Variants in SMG6 observed in about 807,000 individuals in gnomAD.
The protein encoded by SMG6 is telomerase-binding protein EST1A.
SMG6 carries 66 observed loss-of-function variants against 142.2 expected under a neutral mutation model. The ratio of observed to expected loss-of-function variants is 0.46; its 90% CI spans 0.38 to 0.57. SMG6 has a LOEUF of 0.57. SMG6 is among the 20% of genes least tolerant of loss of function. SMG6 has a pLI of 0.00. For synonymous variants in SMG6, 779 were observed against 702.4 expected, an observed-to-expected ratio of 1.11 and a Z score of -1.72; for missense variants, 1,793 against 1,832.0, an observed-to-expected ratio of 0.98 and a Z score of 0.39.
chr17:2,100,359 G>A (rs2068972518), intron 13 of SMG6, among the ~76,000 whole-genome samples: 1 of 152,098 alleles, frequency 6.6e-6, no homozygotes, highest in Non-Finnish European at 1.5e-5. Flanking sequence ...TTTTTTTAGA[G>A]ATGGGTTTTC....
rs1311711870 is a variant in SMG6, at chr17:2,061,387, G to T, written c.*105C>A. On this transcript the variant is annotated 3_prime_UTR_variant, in exon 19 of 19. Transcript: ENST00000263073. ...GTTGGAAGAGGATGGTTTATTGTCT[G>T]GGTGGATTGGTGGCTCAGGCACGTG... 1.1e-5 allele frequency: 12 copies of T among 1,135,340 alleles called. No individual in the cohort carries two copies. Among genetic ancestry groups the T allele is most frequent in the Non-Finnish European group, 1.5e-5 (12 of 803,808 alleles). The allele number at this position is 1,135,340 out of a possible 1,614,324, so 70.3% of individuals were successfully genotyped here. A position where few individuals can be genotyped will look rare whatever the true frequency, so the allele number is the denominator to read the frequency against.
At chr17:2,094,482 A>C (rs533973233) in intron 13 of SMG6, among the ~76,000 whole-genome samples, 1 of 151,858 alleles carries the variant, frequency 6.6e-6, no homozygotes, top group African/African-American at 2.4e-5. Context: ...CAAGTGATCC[A>C]CCTGTCTCGG....
In SMG6 at chr17:2,296,499, C is replaced by CGGT. The variant is rs1222606032; in HGVS notation, c.2151+741_2151+743dup. 2.6e-5 allele frequency among the ~76,000 whole-genome samples: 4 copies of CGGT among 152,276 alleles called. No individual in the cohort carries two copies. In the East Asian group the frequency reaches 7.7e-4, roughly 29 times the overall value. ...GACTGGTACCAGTCTCTGGTCTGAGCGGTGGGCAGGCAAGCATCACCACCT... is the reference window on the plus strand; with the variant it reads ...GACTGGTACCAGTCTCTGGTCTGAGCGGTGGTGGGCAGGCAAGCATCACCACCT... On this transcript the variant is annotated intron_variant, in intron 4 of 18. Coordinates refer to ENST00000263073, the MANE Select transcript of SMG6 (RefSeq NM_017575.5).
intron 10 of SMG6, among the ~76,000 whole-genome samples, chr17:2,226,238 G>C (rs2073313167): frequency 6.7e-6 from 1 of 150,018 alleles, no homozygotes; most frequent in Non-Finnish European, 1.5e-5. Flanking sequence ...TCATGCCATT[G>C]CACTCCAGCC....
chr17:2,158,783 G>A (rs1175918260), intron 13 of SMG6, among the ~76,000 whole-genome samples: 1 of 151,606 alleles, frequency 6.6e-6, no homozygotes, highest in Non-Finnish European at 1.5e-5. Context: ...CAGGTGTGGT[G>A]GCGTGCACCC....
intron 15 of SMG6, among the ~76,000 whole-genome samples, chr17:2,080,377 C>T (rs1389152691): frequency 6.6e-6 from 1 of 152,066 alleles, no homozygotes; most frequent in Non-Finnish European, 1.5e-5. Context: ...GAGATCATGC[C>T]ACTGGACTCC....
intron 13 of SMG6, among the ~76,000 whole-genome samples, chr17:2,147,808 A>T (rs1345098014): frequency 6.6e-6 from 1 of 152,230 alleles, no homozygotes; most frequent in Non-Finnish European, 1.5e-5. Context: ...GTATTGTGAG[A>T]ATGTGAAGAA....
At chr17:2,291,356 C>T (rs1597797625) in intron 6 of SMG6, among the ~76,000 whole-genome samples, 1 of 150,886 alleles carries the variant, frequency 6.6e-6, no homozygotes, top group Admixed American at 6.6e-5. Flanking sequence ...GGAAAATGTT[C>T]TGACACTAGA....
chr17:2,061,775 C>T, intron 18 of SMG6, 153 bp from the exon 19 acceptor site: 1 of 883,666 alleles, frequency 1.1e-6, no homozygotes. Flanking sequence ...TCCGGGCTCT[C>T]AGCCCCGGGG....
intron 10 of SMG6, among the ~76,000 whole-genome samples, chr17:2,196,388 A>C (rs1391821782): frequency 6.6e-6 from 1 of 152,208 alleles, no homozygotes; most frequent in African/African-American, 2.4e-5. Context: ...AGAATGCGTC[A>C]TTGCGCTTCA....
intron 18 of SMG6, among the ~76,000 whole-genome samples, chr17:2,064,396 A>C (rs1362882757): frequency 6.6e-6 from 1 of 152,058 alleles, no homozygotes; most frequent in African/African-American, 2.4e-5. Context: ...TTGGGTGAGA[A>C]ACCCAGAGTG....
intron 10 of SMG6, among the ~76,000 whole-genome samples, chr17:2,215,097 C>T (rs145399637): frequency 6.6e-6 from 1 of 152,264 alleles, no homozygotes; most frequent in East Asian, 1.9e-4. Context: ...AGCTCTGGTA[C>T]AGTAATTAAT....
intron 15 of SMG6, among the ~76,000 whole-genome samples, chr17:2,069,386 C>T (rs2068036426): frequency 6.8e-6 from 1 of 146,886 alleles, no homozygotes; most frequent in Non-Finnish European, 1.5e-5. Flanking sequence ...CAAAACAAAA[C>T]AAAATAAAAT....
chr17:2,201,992 C>A (rs184757894), intron 10 of SMG6, among the ~76,000 whole-genome samples: 184 of 152,062 alleles, frequency 1.2e-3, no homozygotes, highest in Middle Eastern at 6.8e-3. Context: ...CCGCTGCACT[C>A]CAGCTGGGGC....
At chr17:2,139,484 C>T (rs536323596) in intron 13 of SMG6, among the ~76,000 whole-genome samples, 41 of 136,172 alleles carry the variant, frequency 3.0e-4, no homozygotes, top group Admixed American at 1.8e-3. Flanking sequence ...TGCAGTGGCG[C>T]GATCTCAGCT....
intron 8 of SMG6, among the ~76,000 whole-genome samples, chr17:2,248,571 G>A (rs370011473): frequency 1.3e-5 from 2 of 152,082 alleles, no homozygotes; most frequent in African/African-American, 4.8e-5. Context: ...GCAAAAAGTC[G>A]ATTTCAATGC....
chr17:2,061,220 C>T lies in SMG6; in HGVS notation c.*272G>A, dbSNP rs892287660. ...AAGGCTGAGAGCATGGGCGGCCTAT[C>T]TGGCTTGCCCAGCTGCTGTTGCTGT... On this transcript the variant is annotated 3_prime_UTR_variant, in exon 19 of 19. Transcript: ENST00000263073. 5.1e-6 allele frequency: 2 copies of T among 393,066 alleles called. No individual in the cohort carries two copies. Among genetic ancestry groups the T allele is most frequent in the African/African-American group, 2.1e-5 (1 of 48,682 alleles). 24.3% of individuals were successfully genotyped at this position (393,066 alleles called of 1,614,324 possible).
At chr17:2,265,952 T>C (rs2074414962) in intron 8 of SMG6, 1 of 980,356 alleles carries the variant, frequency 1.0e-6, no homozygotes, top group Non-Finnish European at 1.2e-6. Flanking sequence ...GGTGCATGTG[T>C]TGGGCTTCTA....
chr17:2,303,695 C>G lies in SMG6; in HGVS notation c.26G>C (p.Arg9Pro). 1 of 1,496,892 alleles carries G rather than the reference C, an allele frequency of 6.7e-7. No individual in the cohort carries two copies. The highest frequency in any genetic ancestry group is 8.9e-7 in the Non-Finnish European group (1 of 1,129,482). The allele number at this position is 1,496,892 out of a possible 1,614,324, so 92.7% of individuals were successfully genotyped here. ...CCCGCGCAGCTCCGACGCGGAGATC[C>G]GCACACGCTCCAGCCCTTCCGCCAT... MAEGLERV[R>P]ISASELRGIL... Residue 9 changes from arginine (R) to proline (P), a missense_variant, in exon 1 of 19, where the codon CGG becomes CCG. Physicochemically the swap from Arg to Pro is moderately radical, Grantham distance 103. Around this residue, in one of 3 missense-constraint regions of SMG6, gnomAD observed 1,597 missense variants for 1,584.6 expected, o/e 1.01. Coordinates refer to ENST00000263073, the MANE Select transcript of SMG6 (RefSeq NM_017575.5).
Sources: gnomAD v4.1 joint callset for allele counts (sites outside exome capture counted in the v4.1 genomes callset) on GRCh38, gnomAD v4.1.1 for gene constraint, gnomAD v4.1.1 regional missense constraint, MANE v1.5 for transcripts, NCBI Gene and HGNC (gene_info 2026-07-23, HGNC 2026-07-21) for gene names.